FNDC3A: variants seen among roughly 807,000 people sequenced by gnomAD.
FNDC3A encodes fibronectin type-III domain-containing protein 3A.
A neutral mutation model predicts 148.9 loss-of-function variants in FNDC3A; 32 were observed. That is an observed-to-expected ratio of 0.21 (90% confidence interval 0.16 to 0.29). FNDC3A has a LOEUF of 0.29. FNDC3A is among the 10% of genes least tolerant of loss of function. The pLI is 1.00. For missense variants in FNDC3A, 1,191 were observed against 1,452.8 expected, an observed-to-expected ratio of 0.82 and a Z score of 2.93; for synonymous variants, 472 against 473.6, an observed-to-expected ratio of 1.00 and a Z score of 0.04.
At chr13:48,995,779 T>A (rs556273931) in intron 1 of FNDC3A, among the ~76,000 whole-genome samples, 23 of 152,322 alleles carry the variant, frequency 1.5e-4, no homozygotes, top group African/African-American at 4.8e-4. Context: ...AATATCCTGT[T>A]CTTATTGTTA....
intron 5 of FNDC3A, among the ~76,000 whole-genome samples, chr13:49,135,641 T>C (rs1882311730): frequency 6.6e-6 from 1 of 152,186 alleles, no homozygotes; most frequent in South Asian, 2.1e-4. Flanking sequence ...TTACTGAGGC[T>C]TTTAAAAAAT....
At chr13:49,084,929 G>A (rs1375281976) in intron 3 of FNDC3A, among the ~76,000 whole-genome samples, 3 of 152,128 alleles carry the variant, frequency 2.0e-5, no homozygotes, top group African/African-American at 7.2e-5. Flanking sequence ...GCTTCTGGGG[G>A]CAGTTATTGT....
At chr13:49,110,393 A>G (rs780405791) in intron 3 of FNDC3A, 2 of 1,607,708 alleles carry the variant, frequency 1.2e-6, no homozygotes, top group Non-Finnish European at 1.7e-6. Flanking sequence ...GCTACTGTAA[A>G]AACGAAATGA....
At chr13:49,121,547 A>T (rs185011469) in intron 4 of FNDC3A, among the ~76,000 whole-genome samples, 1 of 152,148 alleles carries the variant, frequency 6.6e-6, no homozygotes, top group South Asian at 2.1e-4. Context: ...AAAAAAATCA[A>T]TCAGTTCAGG....
At chr13:49,202,515 A>C (rs985940308) in intron 24 of FNDC3A, among the ~76,000 whole-genome samples, 6 of 152,220 alleles carry the variant, frequency 3.9e-5, no homozygotes, top group African/African-American at 1.4e-4. Flanking sequence ...TTTTTAGCTG[A>C]AAAGTCTATA....
intron 9 of FNDC3A, among the ~76,000 whole-genome samples, chr13:49,167,742 T>C (rs1343468656): frequency 1.3e-5 from 2 of 151,940 alleles, no homozygotes. Context: ...TCAGTTTTTC[T>C]ATTGGTAAAA....
intron 23 of FNDC3A, chr13:49,201,153 TG>T: frequency 3.3e-6 from 1 of 304,846 alleles, no homozygotes; most frequent in Non-Finnish European, 6.6e-6. Flanking sequence ...TCAAAAATAA[TG>T]GGATGCATTC....
At position 49,155,408 on chromosome 13, in the gene FNDC3A, C is replaced by G. The variant is rs530785162; in HGVS notation, c.977+9473C>G. Among the ~76,000 whole-genome samples, 127 of 151,142 alleles carry G rather than the reference C, an allele frequency of 8.4e-4. 1 individual carries two copies. Among genetic ancestry groups the G allele is most frequent in the African/African-American group, 2.8e-3 (116 of 41,040 alleles). Reference sequence around the variant, plus strand: ...TTGTGTGTCTATTTGATTCTTCTCTCTTTTTTTCTTTATTAGTCTTGCTAG... The same window carrying G: ...TTGTGTGTCTATTTGATTCTTCTCTGTTTTTTTCTTTATTAGTCTTGCTAG... On this transcript the variant is annotated intron_variant, in intron 8 of 25. Transcript: ENST00000492622.
In FNDC3A at chr13:49,167,059, G is replaced by A. The variant is rs547731887; in HGVS notation, c.978-185G>A. Among the ~76,000 whole-genome samples, 3 of 152,294 alleles carry A rather than the reference G, an allele frequency of 2.0e-5. No homozygotes were observed. The South Asian group carries it at 6.2e-4, about 32-fold the overall frequency. On this transcript the variant is annotated intron_variant, in intron 8 of 25. Transcript: ENST00000492622. ...CCTTCTGTTTTAAAGTAGTATGCAG[G>A]TACACATGTTAAGTTTGTTACATAT... is the stretch of plus-strand genomic sequence containing the variant.
At chr13:49,150,592 T>C (rs1409797962) in intron 8 of FNDC3A, among the ~76,000 whole-genome samples, 1 of 152,124 alleles carries the variant, frequency 6.6e-6, no homozygotes, top group African/African-American at 2.4e-5. Flanking sequence ...CCTCTTGTTA[T>C]TGATTTCTAG....
chr13:49,202,448 CTT>C (rs766445649), intron 24 of FNDC3A, among the ~76,000 whole-genome samples: 98 of 152,206 alleles, frequency 6.4e-4, no homozygotes, highest in Admixed American at 1.1e-3. Flanking sequence ...ATACATTTAT[CTT>C]TTAATTTTAG....
intron 3 of FNDC3A, among the ~76,000 whole-genome samples, chr13:49,088,564 A>G (rs1878967459): frequency 6.6e-6 from 1 of 152,140 alleles, no homozygotes; most frequent in East Asian, 1.9e-4. Context: ...ATCATACTTG[A>G]CCTCAGTGTA....
chr13:49,136,258 C>A, intron 5 of FNDC3A, 74 bp from the exon 6 acceptor site: 1 of 1,260,058 alleles, frequency 7.9e-7, no homozygotes, highest in South Asian at 1.6e-5. Flanking sequence ...GATTTATTTT[C>A]TGTTCTTTTT....
chr13:49,187,493 G>A lies in FNDC3A; in HGVS notation c.1825+303G>A. On this transcript the variant is annotated intron_variant, in intron 16 of 25. Coordinates refer to ENST00000492622, the MANE Select transcript of FNDC3A (RefSeq NM_001079673.2). ...CTGAAACATCCTTATGTTTTAAGTA[G>A]TTGTTGTCTTACTACAAGAAAGGGT... is the stretch of plus-strand genomic sequence containing the variant. The A allele has an allele frequency of 1.9e-6, 3 of 1,549,110 alleles. No individual in the cohort carries two copies. In the South Asian group the frequency reaches 3.3e-5, roughly 17 times the overall value.
intron 2 of FNDC3A, among the ~76,000 whole-genome samples, chr13:49,035,359 G>A (rs1013333426): frequency 1.3e-5 from 2 of 151,976 alleles, no homozygotes; most frequent in South Asian, 2.1e-4. Context: ...GTCTATAAAT[G>A]TGTATATGTG....
chr13:49,007,340 G>C (rs1004568547), intron 2 of FNDC3A, among the ~76,000 whole-genome samples: 15 of 151,940 alleles, frequency 9.9e-5, no homozygotes, highest in Admixed American at 4.6e-4. Flanking sequence ...AATTTTTTAC[G>C]TGCTCTTATC....
intron 3 of FNDC3A, among the ~76,000 whole-genome samples, chr13:49,105,524 G>A (rs1388598544): frequency 2.0e-5 from 3 of 152,186 alleles, no homozygotes; most frequent in South Asian, 2.1e-4. Context: ...TCTGGAATTT[G>A]TATCTCTAGA....
chr13:48,986,210 G>A (rs187705378), intron 1 of FNDC3A, among the ~76,000 whole-genome samples: 16 of 151,976 alleles, frequency 1.1e-4, no homozygotes, highest in African/African-American at 3.4e-4. Flanking sequence ...AAAACACTTT[G>A]CTTTTTTAAA....
intron 2 of FNDC3A, among the ~76,000 whole-genome samples, chr13:49,073,388 A>T (rs780616114): frequency 6.6e-6 from 1 of 152,078 alleles, no homozygotes; most frequent in South Asian, 2.1e-4. Context: ...TCAAAGAAGG[A>T]TAAATTAAAA....
Sources: gnomAD v4.1 joint callset for allele counts (sites outside exome capture counted in the v4.1 genomes callset) on GRCh38, gnomAD v4.1.1 for gene constraint, MANE v1.5 for transcripts, NCBI Gene and HGNC (gene_info 2026-07-23, HGNC 2026-07-21) for gene names.